Variants in THSD4 observed in about 807,000 individuals in gnomAD.
THSD4 encodes the protein thrombospondin type 1 domain containing 4.
In THSD4, 69 loss-of-function variants were observed where a neutral mutation model predicts 119.0. The observed-to-expected ratio is 0.58, with a 90% confidence interval of 0.48 to 0.71. The LOEUF is 0.71. THSD4 is among the 30% of genes least tolerant of loss of function. The probability of loss-of-function intolerance (pLI) is 0.00; values close to 1 mark genes in which losing one functional copy is unlikely to be tolerated. For missense variants in THSD4, 1,393 were observed against 1,391.1 expected (o/e 1.00, Z -0.02); for synonymous variants, 524 against 540.4 (o/e 0.97, Z 0.42).
At chr15:71,681,268 A>G (rs1175027518) in intron 8 of THSD4, among the ~76,000 whole-genome samples, 1 of 152,144 alleles carries the variant, frequency 6.6e-6, no homozygotes, top group African/African-American at 2.4e-5. Context: ...CCAGGATTAT[A>G]TGGTTAGAGA....
chr15:71,389,810 G>GTTTTTT lies in THSD4; in HGVS notation c.1016-21865_1016-21860dup, dbSNP rs556682631. Among the ~76,000 whole-genome samples, 76 of 88,022 alleles carry GTTTTTT rather than the reference G, an allele frequency of 8.6e-4. 11 individuals carry two copies. The highest frequency in any genetic ancestry group is 1.8e-3 in the African/African-American group (41 of 23,040). The allele number at this position is 88,022 out of a possible 152,430, so 57.7% of individuals were successfully genotyped here. A position where few individuals can be genotyped will look rare whatever the true frequency, so the allele number is the denominator to read the frequency against. ...GCCAACACTTGCTATTTTCTGGGTT[G>GTTTTTT]TTTTTTTTTTTTTTTTTGACACAGA... is the stretch of plus-strand genomic sequence containing the variant. On this transcript the variant is annotated intron_variant, in intron 6 of 17. Transcript: ENST00000261862.
At chr15:71,141,401 A>C in intron 1 of THSD4, 48 bp from the exon 2 acceptor site, 1 of 1,042,344 alleles carries the variant, frequency 9.6e-7, no homozygotes, top group Non-Finnish European at 1.4e-6. Flanking sequence ...CGCTTCTAGA[A>C]TCTTCCTAAG....
At chr15:71,676,901 G>A (rs1019543725) in intron 8 of THSD4, among the ~76,000 whole-genome samples, 14 of 152,106 alleles carry the variant, frequency 9.2e-5, no homozygotes, top group African/African-American at 3.4e-4. Context: ...TGAATAATGC[G>A]CTATGAACAT....
intron 6 of THSD4, among the ~76,000 whole-genome samples, chr15:71,360,095 T>C (rs1374846720): frequency 6.6e-6 from 1 of 152,194 alleles, no homozygotes; most frequent in Non-Finnish European, 1.5e-5. Context: ...TGGCTGAGGC[T>C]GGATTCATCC....
At chr15:71,386,923 A>G (rs931849197) in intron 6 of THSD4, among the ~76,000 whole-genome samples, 4 of 152,236 alleles carry the variant, frequency 2.6e-5, no homozygotes, top group Admixed American at 1.3e-4. Flanking sequence ...GAAACAGAAC[A>G]GAAAAGGATT....
At chr15:71,598,617 T>G (rs900752952) in intron 7 of THSD4, among the ~76,000 whole-genome samples, 8 of 152,024 alleles carry the variant, frequency 5.3e-5, no homozygotes, top group African/African-American at 1.9e-4. Context: ...GTGTTTTTTG[T>G]TTGTTTGTTT....
At chr15:71,111,983 A>G (rs1415940961), upstream of THSD4, 14 of 857,376 alleles carry the variant, frequency 1.6e-5, no homozygotes, top group Non-Finnish European at 2.1e-5. Flanking sequence ...AAGTAAGAAA[A>G]CTGTGTTCCC....
intron 7 of THSD4, among the ~76,000 whole-genome samples, chr15:71,532,263 T>TGAGAGAGAGA (rs112859786): frequency 0.044 from 3,160 of 71,170 alleles, 235 homozygotes; most frequent in East Asian, 0.22. Flanking sequence ...CAACAAAGGG[T>TGAGAGAGAGA]GAGAGAGAGA....
intron 7 of THSD4, among the ~76,000 whole-genome samples, chr15:71,413,866 A>G (rs1326280468): frequency 1.3e-5 from 2 of 152,244 alleles, no homozygotes; most frequent in African/African-American, 4.8e-5. Context: ...ACTTAAGGGC[A>G]TTCTCTGAGA....
intron 6 of THSD4, among the ~76,000 whole-genome samples, chr15:71,398,067 G>C (rs557867847): frequency 6.6e-6 from 1 of 152,214 alleles, no homozygotes; most frequent in South Asian, 2.1e-4. Flanking sequence ...CTTTCCAGCT[G>C]TGATGGTCCA....
chr15:71,134,812 A>T (rs1031925620), intron 1 of THSD4, among the ~76,000 whole-genome samples: 1 of 152,180 alleles, frequency 6.6e-6, no homozygotes, highest in African/African-American at 2.4e-5. Context: ...AATGATTGCC[A>T]TTCTAAGGGA....
chr15:71,345,509 G>T (rs2028467), intron 6 of THSD4, among the ~76,000 whole-genome samples: 1 of 152,016 alleles, frequency 6.6e-6, no homozygotes, highest in Non-Finnish European at 1.5e-5. Flanking sequence ...CACACATAAC[G>T]AGAAATCTGG....
At chr15:71,435,558 A>C (rs1488414468) in intron 7 of THSD4, among the ~76,000 whole-genome samples, 1 of 152,164 alleles carries the variant, frequency 6.6e-6, no homozygotes. Context: ...CCCTGAGGTA[A>C]CTTTCCGGGT....
intron 7 of THSD4, among the ~76,000 whole-genome samples, chr15:71,603,879 G>A (rs561743529): frequency 1.3e-5 from 2 of 152,312 alleles, no homozygotes; most frequent in African/African-American, 4.8e-5. Context: ...GCTAGCTGTG[G>A]TCATCCAGGC....
chr15:71,578,803 GCATA>G (rs970430990), intron 7 of THSD4, among the ~76,000 whole-genome samples: 11 of 149,018 alleles, frequency 7.4e-5, no homozygotes, highest in African/African-American at 2.0e-4. Flanking sequence ...TGTTATCTTT[GCATA>G]CATTAATTTG....
chr15:71,771,062 A>C lies in THSD4; in HGVS notation c.2770-2A>C. 1 of 1,613,882 alleles carries C rather than the reference A, an allele frequency of 6.2e-7. No homozygotes were observed. Among genetic ancestry groups the C allele is most frequent in the Non-Finnish European group, 8.5e-7 (1 of 1,179,922 alleles). On this transcript the variant is annotated splice_acceptor_variant, in intron 16 of 17. Coordinates refer to ENST00000261862, the MANE Select transcript of THSD4 (RefSeq NM_024817.3). LOFTEE classifies it high-confidence loss of function. ...TGATGTTTTCCCTTTGTTCCCATGCAGTGTTCCAAGAGCTGCCAGGGTGGC... is the reference window on the plus strand; with the variant it reads ...TGATGTTTTCCCTTTGTTCCCATGCCGTGTTCCAAGAGCTGCCAGGGTGGC...
chr15:71,274,605 G>A (rs2044569628), intron 6 of THSD4, among the ~76,000 whole-genome samples: 1 of 152,114 alleles, frequency 6.6e-6, no homozygotes, highest in Non-Finnish European at 1.5e-5. Context: ...TGTGTGAAAT[G>A]TCTCTGGGAC....
intron 7 of THSD4, among the ~76,000 whole-genome samples, chr15:71,519,402 C>A (rs2048407276): frequency 6.6e-6 from 1 of 152,188 alleles, no homozygotes; most frequent in Non-Finnish European, 1.5e-5. Flanking sequence ...CACTCTGTCA[C>A]CCAAGCTGGA....
intron 11 of THSD4, among the ~76,000 whole-genome samples, chr15:71,743,055 A>G (rs200429066): frequency 1.6e-4 from 2 of 12,856 alleles, no homozygotes; most frequent in Non-Finnish European, 4.2e-4. Flanking sequence ...ACTCTGTCTC[A>G]AAAAAAATAA....
Sources: gnomAD v4.1 joint callset for allele counts (sites outside exome capture counted in the v4.1 genomes callset) on GRCh38, gnomAD v4.1.1 for gene constraint, MANE v1.5 for transcripts, NCBI Gene and HGNC (gene_info 2026-07-23, HGNC 2026-07-21) for gene names.